The following RGS7 variants were observed in gnomAD, a reference collection of about 807,000 sequenced individuals.
RGS7 encodes the protein regulator of G-protein signaling 7.
A neutral mutation model predicts 81.1 loss-of-function variants in RGS7; 27 were observed. That is an observed-to-expected ratio of 0.33 (90% CI 0.25 to 0.46). The LOEUF (loss-of-function observed/expected upper bound fraction) is 0.46, where lower values mean the gene tolerates loss of function less well. Among genes scored for constraint, RGS7 ranks in the 20% least tolerant of loss-of-function variants. The pLI is 1.00. For missense variants in RGS7, 396 were observed against 607.4 expected (o/e 0.65, Z 3.66); for synonymous variants, 208 against 207.7 (o/e 1.00, Z -0.01).
At chr1:240,941,204 A>C (rs1450695979) in intron 4 of RGS7, among the ~76,000 whole-genome samples, 1 of 152,194 alleles carries the variant, frequency 6.6e-6, no homozygotes, top group African/African-American at 2.4e-5. Flanking sequence ...TTCATATGTC[A>C]AGGTGAAATC....
At chr1:241,087,270 C>A (rs1353956569) in intron 3 of RGS7, among the ~76,000 whole-genome samples, 2 of 152,144 alleles carry the variant, frequency 1.3e-5, no homozygotes, top group African/African-American at 4.8e-5. Flanking sequence ...ATGATTTATA[C>A]TGTGAATAAA....
intron 2 of RGS7, among the ~76,000 whole-genome samples, chr1:241,256,658 A>G (rs1164951634): frequency 6.6e-6 from 1 of 152,106 alleles, no homozygotes; most frequent in Non-Finnish European, 1.5e-5. Flanking sequence ...TAGCTGGCCA[A>G]TGACTGCATT....
At chr1:241,056,663 G>A (rs921744822) in intron 3 of RGS7, among the ~76,000 whole-genome samples, 3 of 152,134 alleles carry the variant, frequency 2.0e-5, no homozygotes, top group African/African-American at 7.2e-5. Context: ...CAAGGCTGTA[G>A]AATTAGTATT....
intron 3 of RGS7, among the ~76,000 whole-genome samples, chr1:240,989,644 G>A (rs917851180): frequency 6.6e-6 from 1 of 152,018 alleles, no homozygotes; most frequent in Non-Finnish European, 1.5e-5. Context: ...AAGTTGACTT[G>A]TTCGACTATA....
At chr1:241,015,883 T>C (rs2059193499) in intron 3 of RGS7, among the ~76,000 whole-genome samples, 2 of 152,230 alleles carry the variant, frequency 1.3e-5, no homozygotes, top group Non-Finnish European at 2.9e-5. Context: ...ACATTTTAGT[T>C]GCCTAAATTG....
chr1:241,293,059 C>T (rs1470677014), intron 2 of RGS7, among the ~76,000 whole-genome samples: 4 of 152,182 alleles, frequency 2.6e-5, no homozygotes, highest in Non-Finnish European at 2.9e-5. Context: ...ACATGCGGTA[C>T]ATATAAAGTC....
At chr1:241,277,959 C>A (rs544743755) in intron 2 of RGS7, among the ~76,000 whole-genome samples, 1 of 152,286 alleles carries the variant, frequency 6.6e-6, no homozygotes, top group South Asian at 2.1e-4. Context: ...TCAGGAATAG[C>A]AAATATCTGT....
chr1:240,975,481 A>G (rs778170750), intron 4 of RGS7, among the ~76,000 whole-genome samples: 1 of 152,172 alleles, frequency 6.6e-6, no homozygotes, highest in Non-Finnish European at 1.5e-5. Flanking sequence ...AGCAAGACTC[A>G]TTTCAAATCT....
At chr1:241,151,082 A>G (rs1476826760) in intron 2 of RGS7, among the ~76,000 whole-genome samples, 2 of 152,124 alleles carry the variant, frequency 1.3e-5, no homozygotes, top group Non-Finnish European at 2.9e-5. Flanking sequence ...GTCTGTCAAC[A>G]TCAGGGTGGA....
At chr1:241,211,890 C>T (rs577348215) in intron 2 of RGS7, among the ~76,000 whole-genome samples, 6 of 152,174 alleles carry the variant, frequency 3.9e-5, no homozygotes, top group South Asian at 4.1e-4. Flanking sequence ...AATATAATTG[C>T]GTTAGGTGAA....
chr1:241,226,345 C>T (rs973506359), intron 2 of RGS7, among the ~76,000 whole-genome samples: 2 of 152,204 alleles, frequency 1.3e-5, no homozygotes, highest in Non-Finnish European at 2.9e-5. Flanking sequence ...AAGGAGCATT[C>T]TTGTCTATGG....
At chr1:240,774,863 G>A (rs13376438), downstream of RGS7, among the ~76,000 whole-genome samples, 87,674 of 149,922 alleles carry the variant, frequency 0.58, 26,938 homozygotes, top group Non-Finnish European at 0.69. Context: ...AACAATTAAA[G>A]TTGTATTAAT....
intron 4 of RGS7, among the ~76,000 whole-genome samples, chr1:240,956,245 T>G (rs1038608858): frequency 6.6e-6 from 1 of 152,116 alleles, no homozygotes; most frequent in African/African-American, 2.4e-5. Context: ...CTATCTGCCT[T>G]TCCTGTGGAA....
At chr1:241,235,647 A>G (rs1425375178) in intron 2 of RGS7, among the ~76,000 whole-genome samples, 1 of 55,292 alleles carries the variant, frequency 1.8e-5, no homozygotes, top group Non-Finnish European at 3.9e-5. Context: ...CTTTTTTCTC[A>G]TTCTCTCTTT....
At chr1:240,877,903 T>C (rs2148067172) in intron 6 of RGS7, among the ~76,000 whole-genome samples, 1 of 152,308 alleles carries the variant, frequency 6.6e-6, no homozygotes, top group Admixed American at 6.5e-5. Context: ...GAGAGTCTAT[T>C]TTCAGCAAAG....
chr1:240,847,370 G>A (rs1428320311), intron 9 of RGS7, among the ~76,000 whole-genome samples: 1 of 150,860 alleles, frequency 6.6e-6, no homozygotes. Context: ...AGACTTGGAG[G>A]CATTTAGTAA....
chr1:240,932,948 A>G (rs1160414424), intron 5 of RGS7, among the ~76,000 whole-genome samples: 2 of 108,354 alleles, frequency 1.8e-5, no homozygotes, highest in Admixed American at 2.8e-4. Context: ...CAGTGGCGCG[A>G]TCTCGGCTCA....
intron 6 of RGS7, among the ~76,000 whole-genome samples, chr1:240,881,897 T>C (rs557086507): frequency 6.6e-6 from 1 of 151,548 alleles, no homozygotes; most frequent in Non-Finnish European, 1.5e-5. Context: ...ACTATGAACG[T>C]TGAATACTGG....
intron 2 of RGS7, among the ~76,000 whole-genome samples, chr1:241,265,786 CTTTTTTTT>C (rs577669455): frequency 1.1e-5 from 1 of 90,264 alleles, no homozygotes. Flanking sequence ...TTTCCTCGTC[CTTTTTTTT>C]TTTTTTTTTT....
Sources: gnomAD v4.1 joint callset for allele counts (sites outside exome capture counted in the v4.1 genomes callset) on GRCh38, gnomAD v4.1.1 for gene constraint, MANE v1.5 for transcripts, NCBI Gene and HGNC (gene_info 2026-07-23, HGNC 2026-07-21) for gene names.